CSPP1: variants seen among roughly 807,000 people sequenced by gnomAD.
CSPP1 encodes the protein centrosome and spindle pole associated protein 1, also known as centrosome and spindle pole-associated protein 1.
A neutral mutation model predicts 164.4 loss-of-function variants in CSPP1; 126 were observed. The ratio of observed to expected loss-of-function variants is 0.77; its 90% CI spans 0.66 to 0.89. CSPP1 has a LOEUF of 0.89. CSPP1 is among the 40% of genes least tolerant of loss of function. CSPP1 has a pLI of 0.00. For synonymous variants in CSPP1, 472 were observed against 476.7 expected, an observed-to-expected ratio of 0.99 and a Z score of 0.13; for missense variants, 1,395 against 1,449.8, an observed-to-expected ratio of 0.96 and a Z score of 0.61.
intron 17 of CSPP1, among the ~76,000 whole-genome samples, 186 bp from the exon 18 acceptor site, chr8:67,149,597 T>C (rs1049160941): frequency 4.6e-5 from 7 of 152,228 alleles, no homozygotes; most frequent in Non-Finnish European, 1.0e-4. Context: ...TTAAGGATTA[T>C]TTTTTGAAAA....
intron 24 of CSPP1, among the ~76,000 whole-genome samples, chr8:67,166,505 A>G (rs977163991): frequency 1.3e-5 from 2 of 152,174 alleles, no homozygotes; most frequent in Non-Finnish European, 2.9e-5. Flanking sequence ...GAAACAAGGT[A>G]AACAAGGTGA....
intron 17 of CSPP1, among the ~76,000 whole-genome samples, chr8:67,140,016 A>G (rs190244705): frequency 6.6e-6 from 1 of 152,292 alleles, no homozygotes; most frequent in East Asian, 1.9e-4. Flanking sequence ...CTTATGTATT[A>G]TGCCTTTGCT....
At chr8:67,163,586 G>C (rs1385332559) in intron 22 of CSPP1, 146 bp from the exon 23 acceptor site, 1 of 597,640 alleles carries the variant, frequency 1.7e-6, no homozygotes, top group East Asian at 2.8e-5. Flanking sequence ...CTCTACCTTG[G>C]GTAGAGTATA....
chr8:67,106,449 C>A (rs1250148977), intron 9 of CSPP1, among the ~76,000 whole-genome samples: 1 of 152,020 alleles, frequency 6.6e-6, no homozygotes, highest in African/African-American at 2.4e-5. Flanking sequence ...ATTCTTCTTT[C>A]TAGTTTCTTT....
chr8:67,160,108 T>A (rs1828031773), intron 21 of CSPP1, among the ~76,000 whole-genome samples: 1 of 144,418 alleles, frequency 6.9e-6, no homozygotes, highest in South Asian at 2.2e-4. Flanking sequence ...TCTCAAATTT[T>A]TGGGCTCAAG....
chr8:67,116,207 C>A, intron 13 of CSPP1, 85 bp downstream of exon 13: 1 of 944,084 alleles, frequency 1.1e-6, no homozygotes, highest in African/African-American at 1.6e-5. Flanking sequence ...AAGCGGATGA[C>A]GTTATTCTTC....
At chr8:67,180,776 T>C (rs879623833) in intron 28 of CSPP1, among the ~76,000 whole-genome samples, 6 of 152,184 alleles carry the variant, frequency 3.9e-5, no homozygotes, top group African/African-American at 1.4e-4. Context: ...CTATTTATAG[T>C]TCTCTTAATA....
chr8:67,182,222 C>G (rs1200289001), intron 28 of CSPP1, among the ~76,000 whole-genome samples: 1 of 152,062 alleles, frequency 6.6e-6, no homozygotes, highest in Non-Finnish European at 1.5e-5. Flanking sequence ...AGGTTGGTCG[C>G]GAACTCTTGA....
chr8:67,170,975 A>T (rs1171822907), intron 24 of CSPP1, among the ~76,000 whole-genome samples: 1 of 150,926 alleles, frequency 6.6e-6, no homozygotes, highest in East Asian at 2.0e-4. Context: ...TTTAGTAGAG[A>T]TGGGGTTTCA....
intron 16 of CSPP1, among the ~76,000 whole-genome samples, chr8:67,136,773 T>C (rs911199634): frequency 6.6e-6 from 1 of 151,334 alleles, no homozygotes; most frequent in Non-Finnish European, 1.5e-5. Context: ...GGCTGGGCAT[T>C]CCCCTTGAAA....
At chr8:67,163,671 C>A (rs1205100781) in intron 22 of CSPP1, 61 bp from the exon 23 acceptor site, 2 of 1,252,308 alleles carry the variant, frequency 1.6e-6, no homozygotes, top group Admixed American at 4.1e-5. Flanking sequence ...AAAATTACTC[C>A]CTTCAAGCTT....
intron 3 of CSPP1, among the ~76,000 whole-genome samples, chr8:67,077,943 A>G (rs1157171643): frequency 1.3e-5 from 2 of 152,230 alleles, no homozygotes; most frequent in Admixed American, 1.3e-4. Context: ...TAAATTATTA[A>G]TATACAGCAT....
intron 25 of CSPP1, chr8:67,172,795 G>C (rs1830726450): frequency 2.6e-6 from 1 of 382,832 alleles, no homozygotes; most frequent in Admixed American, 4.1e-5. Flanking sequence ...GTCTGGAATG[G>C]ATGAGATCGC....
intron 19 of CSPP1, among the ~76,000 whole-genome samples, chr8:67,157,052 C>A (rs1477473283): frequency 6.6e-6 from 1 of 151,842 alleles, no homozygotes; most frequent in African/African-American, 2.4e-5. Flanking sequence ...AAAAGTGACC[C>A]CTGTGAATGT....
chr8:67,098,634 T>G (rs1439461993), intron 7 of CSPP1, among the ~76,000 whole-genome samples: 2 of 151,998 alleles, frequency 1.3e-5, no homozygotes, highest in Non-Finnish European at 2.9e-5. Context: ...ATTTATCATG[T>G]TTTAGGAGCT....
chr8:67,118,117 A>C (rs1260063545), intron 13 of CSPP1, 131 bp from the exon 14 acceptor site: 18 of 911,542 alleles, frequency 2.0e-5, no homozygotes, highest in Non-Finnish European at 3.1e-5. Flanking sequence ...GAATGATTGG[A>C]GCAAGATGGT....
At chr8:67,166,878 G>C (rs532381914) in intron 24 of CSPP1, among the ~76,000 whole-genome samples, 8 of 152,226 alleles carry the variant, frequency 5.3e-5, no homozygotes, top group Non-Finnish European at 1.2e-4. Context: ...GCGGCCTTCC[G>C]CAGTGTTTGT....
chr8:67,072,284 T>C (rs1387878650), intron 1 of CSPP1, among the ~76,000 whole-genome samples: 1 of 150,510 alleles, frequency 6.6e-6, no homozygotes, highest in East Asian at 2.0e-4. Context: ...CAAGACTCTG[T>C]CTCAAAAAAA....
intron 28 of CSPP1, among the ~76,000 whole-genome samples, chr8:67,185,302 C>A (rs186421820): frequency 6.6e-6 from 1 of 152,076 alleles, no homozygotes; most frequent in Non-Finnish European, 1.5e-5. Flanking sequence ...ACTATCTTTT[C>A]GGTTGTGAAC....
Sources: gnomAD v4.1 joint callset for allele counts (sites outside exome capture counted in the v4.1 genomes callset) on GRCh38, gnomAD v4.1.1 for gene constraint, MANE v1.5 for transcripts, NCBI Gene and HGNC (gene_info 2026-07-23, HGNC 2026-07-21) for gene names.